ATG10: variants seen among roughly 807,000 people sequenced by gnomAD.
ATG10 encodes the protein ubiquitin-like-conjugating enzyme ATG10.
A neutral mutation model predicts 32.1 loss-of-function variants in ATG10; 30 were observed. That is an observed-to-expected ratio of 0.94 (90% confidence interval 0.70 to 1.27). The LOEUF is 1.27. Ranked by LOEUF, ATG10 falls within the 50% of genes most tolerant of loss-of-function variation. The pLI, the probability that ATG10 is intolerant of heterozygous loss-of-function variation, is 0.00. For synonymous variants in ATG10, 87 were observed against 91.5 expected, an observed-to-expected ratio of 0.95 and a Z score of 0.28; for missense variants, 233 against 262.3, an observed-to-expected ratio of 0.89 and a Z score of 0.77.
chr5:82,128,139 T>C (rs1291206132), intron 3 of ATG10, among the ~76,000 whole-genome samples: 1 of 152,118 alleles, frequency 6.6e-6, no homozygotes, highest in Non-Finnish European at 1.5e-5. Flanking sequence ...TCCATTTGCT[T>C]GGTAATTATT....
intron 2 of ATG10, among the ~76,000 whole-genome samples, chr5:81,997,571 G>A (rs913304340): frequency 4.6e-5 from 7 of 152,140 alleles, no homozygotes; most frequent in East Asian, 1.9e-4. Flanking sequence ...TTCAGAATAC[G>A]GATAGGAATG....
At chr5:82,244,703 A>G (rs1399620963) in intron 5 of ATG10, among the ~76,000 whole-genome samples, 1 of 152,220 alleles carries the variant, frequency 6.6e-6, no homozygotes, top group Non-Finnish European at 1.5e-5. Context: ...CAAGTAACTC[A>G]TCATATTTAT....
At chr5:82,068,500 A>G (rs149586338) in intron 3 of ATG10, among the ~76,000 whole-genome samples, 66 of 152,122 alleles carry the variant, frequency 4.3e-4, no homozygotes, top group African/African-American at 1.5e-3. Flanking sequence ...ATAACTGTGT[A>G]ACAAACCTGC....
At chr5:82,177,168 C>G (rs145805688) in intron 4 of ATG10, among the ~76,000 whole-genome samples, 13 of 152,212 alleles carry the variant, frequency 8.5e-5, no homozygotes, top group African/African-American at 3.1e-4. Flanking sequence ...TGGGTGCATT[C>G]ACTAATGTAA....
chr5:82,155,342 T>G (rs1354360161), intron 3 of ATG10, among the ~76,000 whole-genome samples: 1 of 152,146 alleles, frequency 6.6e-6, no homozygotes, highest in Non-Finnish European at 1.5e-5. Flanking sequence ...TACAAGTCCT[T>G]TAATAAAATT....
intron 2 of ATG10, among the ~76,000 whole-genome samples, chr5:82,017,154 T>C (rs1487998252): frequency 6.7e-6 from 1 of 149,772 alleles, no homozygotes; most frequent in Non-Finnish European, 1.5e-5. Flanking sequence ...GTATTTTATC[T>C]CTTTTTTTTT....
intron 2 of ATG10, among the ~76,000 whole-genome samples, chr5:82,028,805 T>C (rs1196625204): frequency 6.6e-6 from 1 of 152,156 alleles, no homozygotes; most frequent in African/African-American, 2.4e-5. Flanking sequence ...TTAGTTTAAT[T>C]AGATGAATAA....
chr5:82,047,224 A>G (rs752172596), intron 2 of ATG10, among the ~76,000 whole-genome samples: 2 of 152,146 alleles, frequency 1.3e-5, no homozygotes, highest in Non-Finnish European at 2.9e-5. Context: ...CAGAGCCAAA[A>G]CCAAATTGTT....
chr5:82,070,102 T>G (rs767504230), intron 3 of ATG10, among the ~76,000 whole-genome samples: 5 of 152,180 alleles, frequency 3.3e-5, no homozygotes, highest in African/African-American at 1.2e-4. Flanking sequence ...GGATAGAGAT[T>G]ACATGTTTGT....
chr5:81,983,484 G>A (rs1431258403), intron 1 of ATG10, among the ~76,000 whole-genome samples: 2 of 145,678 alleles, frequency 1.4e-5, no homozygotes, highest in African/African-American at 2.5e-5. Flanking sequence ...CCTCCCTCCC[G>A]GACGGGGCAG....
intron 2 of ATG10, among the ~76,000 whole-genome samples, chr5:82,053,884 G>A (rs569735144): frequency 3.3e-5 from 5 of 152,196 alleles, no homozygotes; most frequent in African/African-American, 4.8e-5. Context: ...TTAGTTTTTC[G>A]GGCAGTAGTA....
intron 2 of ATG10, among the ~76,000 whole-genome samples, chr5:82,001,241 C>T (rs968059294): frequency 3.9e-5 from 6 of 152,088 alleles, no homozygotes. Flanking sequence ...CTATTCCTGT[C>T]AGTCTACTAT....
chr5:82,002,530 A>G (rs142211906), intron 2 of ATG10, among the ~76,000 whole-genome samples: 6 of 152,362 alleles, frequency 3.9e-5, no homozygotes, highest in Non-Finnish European at 7.3e-5. Flanking sequence ...TCCTAAGTGA[A>G]GTAACACAGG....
intron 2 of ATG10, among the ~76,000 whole-genome samples, chr5:82,008,726 C>T (rs1469081881): frequency 6.6e-6 from 1 of 152,184 alleles, no homozygotes; most frequent in Non-Finnish European, 1.5e-5. Context: ...GGATCTGACC[C>T]TCAGCTTTTT....
intron 3 of ATG10, among the ~76,000 whole-genome samples, chr5:82,101,693 C>G (rs899974879): frequency 6.6e-6 from 1 of 152,128 alleles, no homozygotes; most frequent in African/African-American, 2.4e-5. Flanking sequence ...TTTAGAGGTA[C>G]TGATGTCACT....
intron 5 of ATG10, among the ~76,000 whole-genome samples, chr5:82,219,778 T>A (rs1200395836): frequency 6.6e-6 from 1 of 152,256 alleles, no homozygotes. Flanking sequence ...CTCTACATGC[T>A]TTAATTACTT....
At chr5:82,175,935 A>G (rs1744003134) in intron 4 of ATG10, among the ~76,000 whole-genome samples, 1 of 151,986 alleles carries the variant, frequency 6.6e-6, no homozygotes, top group South Asian at 2.1e-4. Flanking sequence ...ACCTCCATGA[A>G]AACAAGGATG....
intron 5 of ATG10, among the ~76,000 whole-genome samples, chr5:82,218,136 C>T (rs1424530745): frequency 6.6e-6 from 1 of 151,646 alleles, no homozygotes; most frequent in African/African-American, 2.4e-5. Context: ...GGTGGTTTCA[C>T]AGGTTTCAAC....
At chr5:82,250,922 A>G (rs545614281) in intron 5 of ATG10, among the ~76,000 whole-genome samples, 28 of 152,348 alleles carry the variant, frequency 1.8e-4, no homozygotes, top group African/African-American at 6.5e-4. Flanking sequence ...CATAGGCCCA[A>G]CACATCAGGG....
Sources: gnomAD v4.1 joint callset for allele counts (sites outside exome capture counted in the v4.1 genomes callset) on GRCh38, gnomAD v4.1.1 for gene constraint, MANE v1.5 for transcripts, NCBI Gene and HGNC (gene_info 2026-07-23, HGNC 2026-07-21) for gene names.